STAU2: variants seen among roughly 807,000 people sequenced by gnomAD.
STAU2 encodes staufen double-stranded RNA binding protein 2, also known as double-stranded RNA-binding protein Staufen homolog 2.
In STAU2, 20 loss-of-function variants were observed where a neutral mutation model predicts 65.9. The ratio of observed to expected loss-of-function variants is 0.30; its 90% CI spans 0.21 to 0.44. The LOEUF is 0.44. Ranked by LOEUF, STAU2 falls within the 20% of genes least tolerant of loss-of-function variation. STAU2 has a pLI of 1.00. For missense variants in STAU2, 558 were observed against 683.9 expected, an observed-to-expected ratio of 0.82 and a Z score of 2.05; for synonymous variants, 232 against 233.9, an observed-to-expected ratio of 0.99 and a Z score of 0.07.
At chr8:73,572,933 A>G (rs1006108369) in intron 12 of STAU2, among the ~76,000 whole-genome samples, 2 of 149,766 alleles carry the variant, frequency 1.3e-5, no homozygotes, top group African/African-American at 5.0e-5. Flanking sequence ...AAGAAAGGGT[A>G]TTTCATTAGG....
At chr8:73,655,918 G>T (rs970840514) in intron 6 of STAU2, among the ~76,000 whole-genome samples, 1 of 151,950 alleles carries the variant, frequency 6.6e-6, no homozygotes, top group Non-Finnish European at 1.5e-5. Context: ...AAAGTGCTGG[G>T]ATTACAGGCA....
At chr8:73,422,204 A>G (rs966847553) in intron 14 of STAU2, among the ~76,000 whole-genome samples, 8 of 152,194 alleles carry the variant, frequency 5.3e-5, no homozygotes, top group Admixed American at 3.3e-4. Flanking sequence ...CCTCCTCTCA[A>G]CTTCTTTTTC....
At chr8:73,490,401 A>C (rs1378531041) in intron 13 of STAU2, among the ~76,000 whole-genome samples, 2 of 152,006 alleles carry the variant, frequency 1.3e-5, no homozygotes, top group African/African-American at 4.8e-5. Context: ...AATTCTTTGC[A>C]TGTAATGAAA....
At chr8:73,547,344 T>C (rs1159769085) in intron 13 of STAU2, among the ~76,000 whole-genome samples, 1 of 81,046 alleles carries the variant, frequency 1.2e-5, no homozygotes, top group East Asian at 2.3e-4. Flanking sequence ...TCTTCAAACA[T>C]AGTATTTTTT....
chr8:73,567,608 C>T (rs1313590343), intron 12 of STAU2, among the ~76,000 whole-genome samples: 1 of 151,254 alleles, frequency 6.6e-6, no homozygotes, highest in African/African-American at 2.4e-5. Flanking sequence ...GCTGCAGTGG[C>T]ACAATCTGTG....
intron 11 of STAU2, among the ~76,000 whole-genome samples, chr8:73,589,775 A>G (rs1257465538): frequency 6.6e-6 from 1 of 152,164 alleles, no homozygotes; most frequent in Non-Finnish European, 1.5e-5. Flanking sequence ...GGAATAAAAT[A>G]TATTTTAAAA....
chr8:73,683,617 G>A (rs1003490684), intron 5 of STAU2, among the ~76,000 whole-genome samples: 21 of 151,968 alleles, frequency 1.4e-4, no homozygotes, highest in Non-Finnish European at 2.4e-4. Context: ...CGGAGCAATC[G>A]ACAAGAGAAA....
At chr8:73,539,101 T>C (rs1187998576) in intron 13 of STAU2, among the ~76,000 whole-genome samples, 1 of 152,192 alleles carries the variant, frequency 6.6e-6, no homozygotes, top group Non-Finnish European at 1.5e-5. Flanking sequence ...AGAAAGAAGT[T>C]TGGATTTGAG....
intron 13 of STAU2, among the ~76,000 whole-genome samples, chr8:73,478,731 C>G (rs1209898369): frequency 1.3e-5 from 2 of 152,062 alleles, no homozygotes; most frequent in Non-Finnish European, 2.9e-5. Flanking sequence ...TTTCACCTAT[C>G]CTATTTTTAA....
At chr8:73,671,836 G>C (rs1291364491) in intron 6 of STAU2, among the ~76,000 whole-genome samples, 1 of 152,040 alleles carries the variant, frequency 6.6e-6, no homozygotes, top group Non-Finnish European at 1.5e-5. Context: ...CCCCAGCCTG[G>C]CCAACATAGT....
intron 9 of STAU2, among the ~76,000 whole-genome samples, chr8:73,608,285 A>T (rs749218340): frequency 6.6e-5 from 10 of 152,118 alleles, no homozygotes; most frequent in Non-Finnish European, 1.5e-4. Flanking sequence ...GGCAGAAGGG[A>T]TGGAAAAAAA....
chr8:73,516,285 G>A (rs1822723908), intron 13 of STAU2, among the ~76,000 whole-genome samples: 1 of 151,944 alleles, frequency 6.6e-6, no homozygotes, highest in African/African-American at 2.4e-5. Context: ...CCTGACCTAG[G>A]TTTGCTCGTA....
intron 6 of STAU2, among the ~76,000 whole-genome samples, chr8:73,644,741 T>A (rs1815244761): frequency 1.3e-5 from 2 of 151,958 alleles, no homozygotes. Flanking sequence ...ATCATCAATA[T>A]CAGAAAAGAA....
At chr8:73,658,126 G>A (rs1430313632) in intron 6 of STAU2, among the ~76,000 whole-genome samples, 2 of 152,148 alleles carry the variant, frequency 1.3e-5, no homozygotes, top group African/African-American at 4.8e-5. Context: ...CACTCTGAGA[G>A]GCTGAGGTGG....
intron 13 of STAU2, among the ~76,000 whole-genome samples, chr8:73,487,119 T>C (rs1156769856): frequency 2.6e-5 from 4 of 152,132 alleles, no homozygotes; most frequent in African/African-American, 9.7e-5. Context: ...TGTGACATTA[T>C]CCAAGCACGA....
At chr8:73,719,331 C>A (rs945242217) in intron 3 of STAU2, among the ~76,000 whole-genome samples, 13 of 151,864 alleles carry the variant, frequency 8.6e-5, no homozygotes, top group Admixed American at 2.6e-4. Flanking sequence ...CACGAACTCA[C>A]AAGGGGGAGC....
At chr8:73,620,131 A>C (rs1343309340) in intron 6 of STAU2, among the ~76,000 whole-genome samples, 1 of 152,196 alleles carries the variant, frequency 6.6e-6, no homozygotes, top group Non-Finnish European at 1.5e-5. Flanking sequence ...GAAATCTGAC[A>C]GACTAATATG....
intron 9 of STAU2, among the ~76,000 whole-genome samples, chr8:73,604,261 T>C (rs12155814): frequency 0.18 from 27,860 of 151,988 alleles, 2,795 homozygotes; most frequent in African/African-American, 0.27. Context: ...CAGAGTTTCA[T>C]TCTGTCGCCC....
intron 1 of STAU2, among the ~76,000 whole-genome samples, chr8:73,740,859 G>C (rs946294324): frequency 6.6e-6 from 1 of 151,956 alleles, no homozygotes; most frequent in Admixed American, 6.6e-5. Flanking sequence ...AAATTAGCTG[G>C]GCATAGTAAC....
Sources: gnomAD v4.1 joint callset for allele counts (sites outside exome capture counted in the v4.1 genomes callset) on GRCh38, gnomAD v4.1.1 for gene constraint, MANE v1.5 for transcripts, NCBI Gene and HGNC (gene_info 2026-07-23, HGNC 2026-07-21) for gene names.